The following ACBD4 variants were observed in gnomAD, a reference collection of about 807,000 sequenced individuals.
The protein encoded by ACBD4 is acyl-CoA-binding domain-containing protein 4.
Under a neutral mutation model 46.0 loss-of-function variants are expected in ACBD4, and 41 were observed. The observed-to-expected ratio is 0.89, with a 90% CI of 0.69 to 1.16. ACBD4 has a LOEUF of 1.16. Ranked by LOEUF, ACBD4 falls within the 50% of genes most tolerant of loss-of-function variation. The pLI is 0.00. For missense variants in ACBD4, 393 were observed against 399.5 expected, an observed-to-expected ratio of 0.98 and a Z score of 0.14; for synonymous variants, 162 against 155.9, an observed-to-expected ratio of 1.04 and a Z score of -0.29.
chr17:45,143,644 G>C lies in ACBD4; in HGVS notation c.*73G>C. ...CCCTGAGCCTTCCTAGGGTTTAGAA[G>C]AACAGCATTCAAAATTCCCCGTCCT... On this transcript the variant is annotated 3_prime_UTR_variant, in exon 10 of 10. Coordinates refer to ENST00000321854, the MANE Select transcript of ACBD4 (RefSeq NM_001135705.3). The C allele has an allele frequency of 6.2e-7, 1 of 1,610,312 alleles. No homozygotes were observed. Among genetic ancestry groups the C allele is most frequent in the Non-Finnish European group, 8.5e-7 (1 of 1,177,704 alleles).
intron 8 of ACBD4, chr17:45,138,270 C>A (rs1451614344): frequency 7.2e-6 from 4 of 552,698 alleles, no homozygotes; most frequent in Non-Finnish European, 1.3e-5. Flanking sequence ...GTTCTCCCAC[C>A]TACAGCTGCA....
At chr17:45,137,554 C>A in intron 6 of ACBD4, 100 bp downstream of exon 6, 1 of 1,435,140 alleles carries the variant, frequency 7.0e-7, no homozygotes. Flanking sequence ...GACACTGAGA[C>A]TTCCTGTGCT....
At chr17:45,142,364 G>C (rs1325072483) in intron 9 of ACBD4, among the ~76,000 whole-genome samples, 9 of 106,600 alleles carry the variant, frequency 8.4e-5, no homozygotes, top group African/African-American at 3.4e-4. Flanking sequence ...TTGCACTCTA[G>C]CCTGGGAGAC....
intron 9 of ACBD4, 123 bp from the exon 10 acceptor site, chr17:45,143,320 C>G (rs2055409982): frequency 1.2e-6 from 1 of 838,068 alleles, no homozygotes; most frequent in African/African-American, 1.7e-5. Flanking sequence ...GGGCCACTTC[C>G]TTTCTAGTGG....
intron 9 of ACBD4, among the ~76,000 whole-genome samples, chr17:45,139,907 A>G (rs2055156528): frequency 6.6e-6 from 1 of 152,204 alleles, no homozygotes; most frequent in Non-Finnish European, 1.5e-5. Flanking sequence ...ACATTAAGCG[A>G]TGGAGTTGGC....
upstream of ACBD4, chr17:45,132,469 G>A: frequency 9.3e-7 from 1 of 1,078,154 alleles, no homozygotes; most frequent in Non-Finnish European, 1.2e-6. This position sits in a 1 kb window ranked among gnomAD's most constrained non-coding sequence, Gnocchi z 4.6. Context: ...GGGCAGCGGG[G>A]CGCCGCTCTG....
chr17:45,137,250 A>G (rs940022816), intron 5 of ACBD4, 111 bp downstream of exon 5: 16 of 1,597,198 alleles, frequency 1.0e-5, no homozygotes, highest in Admixed American at 1.7e-5. Flanking sequence ...TAGGGCCCCC[A>G]AGCCCCCGAG....
At chr17:45,138,787 T>TAAA (rs78362547) in intron 8 of ACBD4, among the ~76,000 whole-genome samples, 1 of 108,468 alleles carries the variant, frequency 9.2e-6, no homozygotes. Flanking sequence ...CAAGACTGTC[T>TAAA]AAAAAAAAAA....
upstream of ACBD4, among the ~76,000 whole-genome samples, chr17:45,134,886 T>C (rs1026180426): frequency 6.6e-6 from 1 of 152,102 alleles, no homozygotes; most frequent in Non-Finnish European, 1.5e-5. Context: ...TCATTCTAAC[T>C]GTATTTTTGT....
At chr17:45,143,387 A>AG in intron 9 of ACBD4, 56 bp from the exon 10 acceptor site, 1 of 1,422,546 alleles carries the variant, frequency 7.0e-7, no homozygotes, top group African/African-American at 1.4e-5. Flanking sequence ...GCAGGTTCCT[A>AG]GGGAGGCTGT....
At chr17:45,138,298 C>T in intron 8 of ACBD4, 1 of 507,120 alleles carries the variant, frequency 2.0e-6, no homozygotes, top group Non-Finnish European at 3.6e-6. Context: ...AGGAAGTCAT[C>T]CATATTCTCT....
rs2055425222 is a variant in ACBD4 at position 45,143,523 on chromosome 17, C to G, written c.870C>G (p.Pro290=). 37 of 1,613,916 alleles carry G rather than the reference C, an allele frequency of 2.3e-5. No homozygotes were observed. The highest frequency in any genetic ancestry group is 3.1e-5 in the Non-Finnish European group (37 of 1,180,020). Residue 290 remains proline (P), a synonymous_variant, in exon 10 of 10, where the codon CCC becomes CCG. Coordinates refer to ENST00000321854, the MANE Select transcript of ACBD4 (RefSeq NM_001135705.3). ...CGCTGCTCTTCTTCCTCCTGTGGCC[C>G]TTCGTCGTCCAGTGGCTCTTCCGAA... is the stretch of plus-strand genomic sequence containing the variant. ...GPALLFFLLW[P]FVVQWLFRMF...
At chr17:45,137,604 G>A in intron 6 of ACBD4, 150 bp downstream of exon 6, 1 of 1,309,428 alleles carries the variant, frequency 7.6e-7, no homozygotes, top group East Asian at 2.3e-5. Flanking sequence ...CCTGTTCCAG[G>A]GCCTTGCTTC....
chr17:45,143,611 T>G lies in ACBD4; in HGVS notation c.*40T>G. On this transcript the variant is annotated 3_prime_UTR_variant, in exon 10 of 10. Transcript: ENST00000321854. The stretch of plus-strand genomic sequence containing the variant: ...GTCTCTGCAGCCAACTGAGACTATC[T>G]TGCTGTGCCCTGAGCCTTCCTAGGG... 1.9e-6 allele frequency: 3 copies of G among 1,613,964 alleles called. No homozygotes were observed. The highest frequency in any genetic ancestry group is 2.5e-6 in the Non-Finnish European group (3 of 1,179,976).
At chr17:45,135,185 C>T (rs901581093), upstream of ACBD4, among the ~76,000 whole-genome samples, 19 of 152,280 alleles carry the variant, frequency 1.2e-4, 1 homozygote, top group South Asian at 3.9e-3. Flanking sequence ...CGGCTGGTCT[C>T]GAACTCCTGA....
chr17:45,143,135 C>T (rs1443922162), intron 9 of ACBD4, among the ~76,000 whole-genome samples: 3 of 152,154 alleles, frequency 2.0e-5, no homozygotes, highest in Non-Finnish European at 4.4e-5. Context: ...GTGGCACATC[C>T]TTAACAACAC....
At chr17:45,133,730 A>T (rs981780597), upstream of ACBD4, among the ~76,000 whole-genome samples, 1 of 149,898 alleles carries the variant, frequency 6.7e-6, no homozygotes, top group Non-Finnish European at 1.5e-5. Context: ...ACGGGGTTTC[A>T]CCGTTTTAGC....
chr17:45,142,389 CAAAAAAAAAA>C (rs1161132274), intron 9 of ACBD4, among the ~76,000 whole-genome samples: 7 of 28,584 alleles, frequency 2.4e-4, no homozygotes, highest in Admixed American at 6.4e-4. Context: ...CAAGACTCCT[CAAAAAAAAAA>C]AAAAAAAAAA....
chr17:45,135,441 C>T (rs867599454), upstream of ACBD4: 2 of 152,326 alleles, frequency 1.3e-5, no homozygotes, highest in African/African-American at 4.8e-5. Context: ...TAGGACGCCA[C>T]GACCTTTCAC....
Sources: allele counts gnomAD v4.1 joint callset (sites outside exome capture counted in the v4.1 genomes callset), GRCh38; gene constraint gnomAD v4.1.1; non-coding constraint Gnocchi (gnomAD v3.1); transcripts MANE v1.5; gene names NCBI Gene and HGNC (gene_info 2026-07-23, HGNC 2026-07-21).